Variants in NNT observed in about 807,000 individuals in gnomAD.
NNT encodes NAD(P) transhydrogenase, mitochondrial.
In NNT, 50 loss-of-function variants were observed where a neutral mutation model predicts 104.8. The observed-to-expected ratio is 0.48, with a 90% CI of 0.38 to 0.60. NNT has a LOEUF of 0.60. Ranked by LOEUF, NNT falls within the 20% of genes least tolerant of loss-of-function variation. NNT has a pLI of 0.00. For synonymous variants in NNT, 461 were observed against 490.4 expected (o/e 0.94, Z 0.79); for missense variants, 1,131 against 1,330.7 (o/e 0.85, Z 2.33).
At chr5:43,635,192 A>G (rs1750870677) in intron 7 of NNT, among the ~76,000 whole-genome samples, 2 of 152,232 alleles carry the variant, frequency 1.3e-5, no homozygotes, top group African/African-American at 4.8e-5. Flanking sequence ...CCAACAATGC[A>G]TAATGGCTCT....
At chr5:43,691,751 A>G (rs996243530) in intron 19 of NNT, among the ~76,000 whole-genome samples, 7 of 152,234 alleles carry the variant, frequency 4.6e-5, no homozygotes, top group Admixed American at 3.3e-4. Flanking sequence ...ATTTTAAGAT[A>G]CATTCTTTTG....
At chr5:43,661,454 C>T (rs1740352460) in intron 17 of NNT, among the ~76,000 whole-genome samples, 1 of 151,378 alleles carries the variant, frequency 6.6e-6, no homozygotes, top group South Asian at 2.1e-4. Context: ...TACATGTGCA[C>T]ATTGTGCAGG....
At chr5:43,624,791 A>C (rs564541253) in intron 6 of NNT, among the ~76,000 whole-genome samples, 2 of 152,234 alleles carry the variant, frequency 1.3e-5, no homozygotes, top group East Asian at 3.8e-4. Flanking sequence ...AGTCGAGTAC[A>C]GTTAATATGT....
chr5:43,609,929 T>C (rs1749417486), intron 2 of NNT, among the ~76,000 whole-genome samples: 1 of 152,210 alleles, frequency 6.6e-6, no homozygotes, highest in African/African-American at 2.4e-5. Flanking sequence ...GATGCACCAG[T>C]CTTCTAAATG....
chr5:43,627,047 T>C (rs1301557898), intron 6 of NNT, among the ~76,000 whole-genome samples: 1 of 152,166 alleles, frequency 6.6e-6, no homozygotes, highest in Non-Finnish European at 1.5e-5. Flanking sequence ...TAACTGAGAA[T>C]CCAGGGGAAT....
chr5:43,615,905 A>G lies in NNT; in HGVS notation c.439A>G (p.Thr147Ala). The G allele has an allele frequency of 1.9e-6, 3 of 1,614,208 alleles. No homozygotes were observed. The highest frequency in any genetic ancestry group is 2.5e-6 in the Non-Finnish European group (3 of 1,180,030). The change falls in exon 4 of 22, where the codon ACA (threonine) becomes GCA (alanine). Residue 147 changes from threonine to alanine, a missense_variant. Transcript: ENST00000344920. The stretch of plus-strand genomic sequence containing the variant: ...TGTTCATGAAGCTGACCTTTTAAAG[A>G]CATCAGGAACGCTGATTAGTTTTAT... Reference protein sequence around the residue: ...LGVHEADLLKTSGTLISFIYP... With the variant: ...LGVHEADLLKASGTLISFIYP...
At chr5:43,699,067 C>T (rs1333584423) in intron 19 of NNT, among the ~76,000 whole-genome samples, 1 of 151,962 alleles carries the variant, frequency 6.6e-6, no homozygotes, top group African/African-American at 2.4e-5. Context: ...TTCTATGTGC[C>T]ACACACTGTT....
intron 7 of NNT, among the ~76,000 whole-genome samples, chr5:43,640,433 G>T (rs1020884425): frequency 1.1e-4 from 17 of 152,062 alleles, no homozygotes; most frequent in African/African-American, 3.9e-4. Context: ...TTTTCAATTG[G>T]TAAGTAAGTA....
chr5:43,616,369 G>C (rs1038029880), intron 4 of NNT, among the ~76,000 whole-genome samples: 1 of 152,174 alleles, frequency 6.6e-6, no homozygotes, highest in Non-Finnish European at 1.5e-5. Flanking sequence ...ATAAATGTGT[G>C]TGTACATGTA....
chr5:43,632,744 C>T lies in NNT; in HGVS notation c.964+4357C>T, dbSNP rs144625662. ...GGGCTACCATTAAAAAGTAAGGCAG[C>T]CCTGCTGTCTGGTAATGTTCAGGCT... On this transcript the variant is annotated intron_variant, in intron 7 of 21. Coordinates refer to ENST00000344920, the MANE Select transcript of NNT (RefSeq NM_182977.3). Among the ~76,000 whole-genome samples the T allele has an allele frequency of 9.9e-5, 15 of 152,190 alleles. No homozygotes were observed. The South Asian group carries it at 3.1e-3, about 32-fold the overall frequency.
chr5:43,609,202 A>T lies in NNT; in HGVS notation c.7A>T (p.Asn3Tyr). The T allele has an allele frequency of 1.2e-6, 2 of 1,613,222 alleles. No individual in the cohort carries two copies. The highest frequency in any genetic ancestry group is 1.7e-6 in the Non-Finnish European group (2 of 1,179,578). The change falls in exon 2 of 22, where the codon AAC (asparagine) becomes TAC (tyrosine). Residue 3 changes from asparagine to tyrosine, a missense_variant. Asn to Tyr is a moderately radical substitution (Grantham distance 143). Transcript: ENST00000344920. ...ATTGGGAACTCATATCAACATGGCA[A>T]ACCTATTGAAAACAGTGGTGACTGG... MA[N>Y]LLKTVVTGCS...
chr5:43,696,795 A>G (rs958514787), intron 19 of NNT, among the ~76,000 whole-genome samples: 5 of 152,206 alleles, frequency 3.3e-5, no homozygotes, highest in Admixed American at 2.6e-4. Flanking sequence ...TTCTGAAGTA[A>G]CAGCCCAAGC....
rs1403266789 is a variant in NNT, at chr5:43,706,194, C to T, written c.*1790C>T. The T allele has an allele frequency of 6.6e-6, 1 of 151,090 alleles. No individual in the cohort carries two copies. Among genetic ancestry groups the T allele is most frequent in the East Asian group, 1.9e-4 (1 of 5,184 alleles). 9.4% of individuals were successfully genotyped at this position (151,090 alleles called of 1,614,324 possible). On this transcript the variant is annotated 3_prime_UTR_variant, in exon 22 of 22. Coordinates refer to ENST00000344920, the MANE Select transcript of NNT (RefSeq NM_182977.3). ...TTCATGCCCTGTTCATTTTATTTTA[C>T]TTTATTGGTTAGGATATTTAAAGGA...
chr5:43,651,009 G>C (rs1739728512), intron 12 of NNT, among the ~76,000 whole-genome samples: 1 of 152,160 alleles, frequency 6.6e-6, no homozygotes, highest in African/African-American at 2.4e-5. Flanking sequence ...CTATTTTGTA[G>C]CTAACAATTC....
chr5:43,661,944 G>C (rs140524590), intron 17 of NNT, among the ~76,000 whole-genome samples: 4 of 152,104 alleles, frequency 2.6e-5, no homozygotes, highest in Non-Finnish European at 4.4e-5. Context: ...GGATGGCTGG[G>C]TCAAATGGTA....
chr5:43,682,279 C>T (rs562658428), intron 19 of NNT, among the ~76,000 whole-genome samples: 17 of 135,694 alleles, frequency 1.3e-4, no homozygotes, highest in South Asian at 4.7e-4. Flanking sequence ...GGTGTGATCT[C>T]GGCTCACTGC....
chr5:43,635,729 A>C (rs564106719), intron 7 of NNT, among the ~76,000 whole-genome samples: 3 of 152,096 alleles, frequency 2.0e-5, no homozygotes, highest in African/African-American at 7.2e-5. Flanking sequence ...GTGTGTGTGC[A>C]TTCCTTGTTT....
intron 1 of NNT, among the ~76,000 whole-genome samples, chr5:43,608,007 T>C (rs1749315901): frequency 2.0e-5 from 3 of 152,140 alleles, no homozygotes; most frequent in Middle Eastern, 3.4e-3. Context: ...CTTGGCTCAC[T>C]GCATCCTCCA....
chr5:43,671,264 G>A (rs1741065521), intron 17 of NNT, among the ~76,000 whole-genome samples: 1 of 152,098 alleles, frequency 6.6e-6, no homozygotes, highest in Admixed American at 6.6e-5. Flanking sequence ...CTTTTAATTG[G>A]AGCATTTAGC....
Sources: gnomAD v4.1 joint callset for allele counts (sites outside exome capture counted in the v4.1 genomes callset) on GRCh38, gnomAD v4.1.1 for gene constraint, MANE v1.5 for transcripts, NCBI Gene and HGNC (gene_info 2026-07-23, HGNC 2026-07-21) for gene names.